The following USH2A variants were observed in gnomAD, a reference collection of about 807,000 sequenced individuals.
USH2A encodes the protein Usher syndrome 2A (autosomal recessive, mild).
A neutral mutation model predicts 538.9 loss-of-function variants in USH2A; 443 were observed. That is an observed-to-expected ratio of 0.82 (90% CI 0.76 to 0.89). USH2A has a LOEUF of 0.89. Ranked by LOEUF, USH2A falls within the 40% of genes least tolerant of loss-of-function variation. The pLI is 0.00. For missense variants in USH2A, 6,633 were observed against 6,324.8 expected, an observed-to-expected ratio of 1.05 and a Z score of -1.65; for synonymous variants, 2,413 against 2,273.5, an observed-to-expected ratio of 1.06 and a Z score of -1.75.
At chr1:215,980,138 C>T (rs1357657841) in intron 35 of USH2A, among the ~76,000 whole-genome samples, 9 of 152,150 alleles carry the variant, frequency 5.9e-5, no homozygotes, top group Non-Finnish European at 1.5e-5. Context: ...GGTAAGAAGA[C>T]ACAAACACTT....
chr1:215,708,642 G>A (rs73082820), intron 61 of USH2A, among the ~76,000 whole-genome samples: 3,021 of 152,174 alleles, frequency 0.02, 97 homozygotes, highest in African/African-American at 0.069. Context: ...CCTTGCGTGC[G>A]CAGTTCATAA....
rs550538353 is a variant in USH2A at position 215,723,643 on chromosome 1, A to G, written c.12066+4387T>C. On this transcript the variant is annotated intron_variant, in intron 61 of 71. Coordinates refer to ENST00000307340, the MANE Select transcript of USH2A (RefSeq NM_206933.4). ...GATGGACTCTGTGCCTCATTAATGG[A>G]GAAGGTTCTGTAGTTCCTTTGCCCT... Among the ~76,000 whole-genome samples the G allele has an allele frequency of 5.9e-4, 90 of 152,346 alleles. 1 individual carries two copies. The highest frequency in any genetic ancestry group is 2.0e-3 in the African/African-American group (83 of 41,570).
chr1:215,695,647 G>A (rs12354362), intron 61 of USH2A, among the ~76,000 whole-genome samples: 27,283 of 152,180 alleles, frequency 0.18, 2,603 homozygotes, highest in Non-Finnish European at 0.21. Context: ...ACCCAAGCCT[G>A]TACAGAAGCT....
rs2036067969 is a variant in USH2A at position 216,247,157 on chromosome 1, G to A, written c.2237C>T (p.Pro746Leu). 6.2e-7 allele frequency: 1 copy of A among 1,613,818 alleles called. No homozygotes were observed. Among genetic ancestry groups the A allele is most frequent in the African/African-American group, 1.3e-5 (1 of 74,858 alleles). ...TGAGCCATGGAGGTTACACTGGCAG[G>A]GCTCACATCCAACATCATTAAAGCT... ...LRSFNDVGCEPCQCNLHGSVN... is the reference protein window; with the variant it reads ...LRSFNDVGCELCQCNLHGSVN... The change falls in exon 13 of 72, where the codon CCC (proline) becomes CTC (leucine). Residue 746 changes from proline to leucine, a missense_variant. Pro to Leu is a moderately conservative substitution (Grantham distance 98). Coordinates refer to ENST00000307340, the MANE Select transcript of USH2A (RefSeq NM_206933.4).
At chr1:216,015,180 T>C (rs1668675320) in intron 32 of USH2A, among the ~76,000 whole-genome samples, 1 of 152,198 alleles carries the variant, frequency 6.6e-6, no homozygotes, top group Non-Finnish European at 1.5e-5. Context: ...CACATCATCT[T>C]GCTATTTGGT....
At chr1:216,205,286 C>T (rs1480218596) in intron 16 of USH2A, among the ~76,000 whole-genome samples, 1 of 152,172 alleles carries the variant, frequency 6.6e-6, no homozygotes, top group African/African-American at 2.4e-5. Flanking sequence ...AGTTTCAGGA[C>T]ACCTGGATCA....
At position 216,400,250 on chromosome 1, in the gene USH2A, C is replaced by T. The variant is rs140602341; in HGVS notation, c.651+18264G>A. On this transcript the variant is annotated intron_variant, in intron 3 of 71. Transcript: ENST00000307340. ...TATATATATATATAAAAGATCCAAA[C>T]GGAAACTAAATAACTGAAACATACA... 2.4e-3 allele frequency among the ~76,000 whole-genome samples: 354 copies of T among 149,800 alleles called. 1 individual carries two copies. Among genetic ancestry groups the T allele is most frequent in the African/African-American group, 8.1e-3 (328 of 40,578 alleles).
At chr1:216,134,591 G>A (rs1218460366) in intron 21 of USH2A, among the ~76,000 whole-genome samples, 1 of 152,056 alleles carries the variant, frequency 6.6e-6, no homozygotes, top group Non-Finnish European at 1.5e-5. Flanking sequence ...TCAACTTAAA[G>A]TCCATCCCTG....
chr1:216,134,867 C>T (rs1257712724), intron 21 of USH2A, among the ~76,000 whole-genome samples: 1 of 152,076 alleles, frequency 6.6e-6, no homozygotes, highest in East Asian at 1.9e-4. Context: ...AAGTAAAGAG[C>T]TATGCCAAAG....
intron 61 of USH2A, among the ~76,000 whole-genome samples, chr1:215,716,197 G>T (rs1043588830): frequency 3.9e-5 from 6 of 152,168 alleles, no homozygotes; most frequent in Admixed American, 1.3e-4. Flanking sequence ...AGAGTGGAAG[G>T]GGGGCGGGGG....
chr1:215,774,151 C>T (rs1284448373), intron 55 of USH2A, among the ~76,000 whole-genome samples: 2 of 152,078 alleles, frequency 1.3e-5, no homozygotes, highest in Non-Finnish European at 2.9e-5. Context: ...AACATCAAAA[C>T]ATCAAAACAA....
intron 4 of USH2A, among the ~76,000 whole-genome samples, chr1:216,352,656 A>T (rs2038309147): frequency 6.6e-6 from 1 of 152,294 alleles, no homozygotes; most frequent in South Asian, 2.1e-4. Flanking sequence ...TGGAAAAATA[A>T]CAACATGCCT....
intron 64 of USH2A, among the ~76,000 whole-genome samples, chr1:215,660,289 T>C (rs1657401290): frequency 6.6e-6 from 1 of 152,216 alleles, no homozygotes; most frequent in Non-Finnish European, 1.5e-5. Context: ...TTAGTTAATA[T>C]ACATGCAGTT....
rs2102762710 is a variant in USH2A, at chr1:215,782,117, C to T, written c.10665G>A (p.Glu3555=). The T allele has an allele frequency of 1.2e-6, 2 of 1,613,980 alleles. No individual in the cohort carries two copies. The change falls in exon 54 of 72, where the codon GAG becomes GAA. Residue 3555 remains glutamate, a synonymous_variant. Transcript: ENST00000307340. ...AATATTCCTGAAATGGTTGAATTCC[C>T]TCTTTATCAGAGAAGCTCAGTGATG... ...RGTSLSFSDK[E]GIQPFQEYSY...
intron 63 of USH2A, among the ~76,000 whole-genome samples, chr1:215,673,255 G>T (rs1657881682): frequency 6.6e-6 from 1 of 152,138 alleles, no homozygotes; most frequent in Non-Finnish European, 1.5e-5. Flanking sequence ...GGTAATTATA[G>T]GAGGATCTAA....
chr1:215,743,410 GTGTGTGTA>G (rs1660367443), intron 58 of USH2A, 75 bp from the exon 59 acceptor site: 2 of 457,882 alleles, frequency 4.4e-6, no homozygotes, highest in South Asian at 2.7e-5. Flanking sequence ...GTGTGTGTGT[GTGTGTGTA>G]TATATATATA....
intron 30 of USH2A, among the ~76,000 whole-genome samples, chr1:216,058,570 T>C (rs1007453224): frequency 7.7e-6 from 1 of 129,800 alleles, no homozygotes; most frequent in Admixed American, 7.3e-5. Flanking sequence ...GGTCTAAGTT[T>C]TGGAATTAGT....
At chr1:215,911,366 C>A (rs987615872) in intron 38 of USH2A, among the ~76,000 whole-genome samples, 2 of 151,930 alleles carry the variant, frequency 1.3e-5, no homozygotes, top group African/African-American at 4.8e-5. Context: ...CTACTCTTCC[C>A]AGCCTCTGGT....
chr1:216,197,216 A>G (rs2034869830), intron 18 of USH2A, among the ~76,000 whole-genome samples: 1 of 152,142 alleles, frequency 6.6e-6, no homozygotes, highest in African/African-American at 2.4e-5. Context: ...TGAATGTCTC[A>G]AAGTTTTTGT....
Sources: allele counts gnomAD v4.1 joint callset (sites outside exome capture counted in the v4.1 genomes callset), GRCh38; gene constraint gnomAD v4.1.1; transcripts MANE v1.5; gene names NCBI Gene and HGNC (gene_info 2026-07-23, HGNC 2026-07-21).